Variants in SNX24 observed in about 807,000 individuals in gnomAD.
SNX24 encodes sorting nexin-24.
Under a neutral mutation model 28.7 loss-of-function variants are expected in SNX24, and 22 were observed. The ratio of observed to expected loss-of-function variants is 0.77; its 90% CI spans 0.55 to 1.10. The LOEUF (loss-of-function observed/expected upper bound fraction) is 1.10, where lower values mean the gene tolerates loss of function less well. SNX24 is among the 50% of genes least tolerant of loss of function. The pLI, the probability that SNX24 is intolerant of heterozygous loss-of-function variation, is 0.00. For missense variants in SNX24, 221 were observed against 201.1 expected (o/e 1.10, Z -0.60); for synonymous variants, 69 against 71.5 (o/e 0.96, Z 0.18).
chr5:122,936,713 T>G (rs1170472769), intron 1 of SNX24, 21 bp from the exon 2 acceptor site: 2 of 1,374,190 alleles, frequency 1.5e-6, no homozygotes, highest in Non-Finnish European at 1.0e-6. Flanking sequence ...ATATAATTAA[T>G]CTTTTAAATT....
At chr5:122,864,804 G>T (rs892972679) in intron 1 of SNX24, among the ~76,000 whole-genome samples, 3 of 152,248 alleles carry the variant, frequency 2.0e-5, no homozygotes, top group African/African-American at 7.2e-5. Flanking sequence ...CCAGCTGCAT[G>T]ACTCCTAAAC....
downstream of SNX24, among the ~76,000 whole-genome samples, chr5:123,010,073 A>C (rs1485010737): frequency 6.6e-6 from 1 of 152,222 alleles, no homozygotes; most frequent in African/African-American, 2.4e-5. Flanking sequence ...CTGGGCCTGC[A>C]TCACAATTGC....
chr5:122,896,670 A>G (rs934024264), intron 1 of SNX24, among the ~76,000 whole-genome samples: 2 of 152,164 alleles, frequency 1.3e-5, no homozygotes, highest in Admixed American at 6.5e-5. Flanking sequence ...CAACAATACC[A>G]TATGTACTGT....
rs79140927 is a variant in SNX24 at position 122,940,453 on chromosome 5, C to T, written c.144+3636C>T. On this transcript the variant is annotated intron_variant, in intron 2 of 6. Transcript: ENST00000261369. ...ATTCTCTTACTCAAATACACTGAAA[C>T]GGGTCTCTGTTGTCCACCACATCAT... Among the ~76,000 whole-genome samples, 515 of 152,246 alleles carry T rather than the reference C, an allele frequency of 3.4e-3. 20 individuals are homozygous for T. In the East Asian group the frequency reaches 0.084, roughly 25 times the overall value.
chr5:123,025,936 C>T (rs1222255255), intron 5 of SNX24: 6 of 1,608,428 alleles, frequency 3.7e-6, no homozygotes, highest in South Asian at 3.4e-5. Context: ...TTGAAGTTCT[C>T]ATCTGGAAAT....
intron 3 of SNX24, among the ~76,000 whole-genome samples, chr5:122,987,155 A>C (rs1446531994): frequency 1.3e-5 from 2 of 152,034 alleles, no homozygotes; most frequent in Admixed American, 6.6e-5. Context: ...ATCAGCTGGG[A>C]GAGAGGGTGG....
chr5:122,932,894 T>C (rs577310484), intron 1 of SNX24, among the ~76,000 whole-genome samples: 145 of 148,328 alleles, frequency 9.8e-4, no homozygotes, highest in African/African-American at 3.4e-3. Context: ...ATTCTCATTT[T>C]ATGCACCAGA....
chr5:122,860,552 A>AGGTGCATACCACATTTCT (rs1755412297), intron 1 of SNX24, among the ~76,000 whole-genome samples: 1 of 152,190 alleles, frequency 6.6e-6, no homozygotes, highest in Non-Finnish European at 1.5e-5. Context: ...TAACAGTGAG[A>AGGTGCATACCACATTTCT]GGTGCATACC....
chr5:122,974,444 GAAGGTGTATTGCTGGCC>G (rs1561680844), intron 3 of SNX24, among the ~76,000 whole-genome samples: 1 of 152,248 alleles, frequency 6.6e-6, no homozygotes, highest in Non-Finnish European at 1.5e-5. Context: ...GTAGGACAGT[GAAGGTGTATTGCTGGCC>G]TTGCCAGCTG....
At chr5:122,951,266 C>CAAAAAAAAA (rs1445925286) in intron 3 of SNX24, among the ~76,000 whole-genome samples, 1 of 48,006 alleles carries the variant, frequency 2.1e-5, no homozygotes, top group African/African-American at 1.0e-4. Context: ...GACTCTGTCT[C>CAAAAAAAAA]AAAAAAAAAA....
chr5:122,978,715 AAC>A lies in SNX24; in HGVS notation c.250-21193_250-21192del, dbSNP rs1402483199. On this transcript the variant is annotated intron_variant, in intron 3 of 6. Coordinates refer to ENST00000261369, the MANE Select transcript of SNX24 (RefSeq NM_014035.4). Reference sequence around the variant, plus strand: ...GGCAGCTTGTGGTATGACTGAAAGAAACACAGTGCACAAGAAATTCCCACAGC... The same window carrying A: ...GGCAGCTTGTGGTATGACTGAAAGAAACAGTGCACAAGAAATTCCCACAGC... Among the ~76,000 whole-genome samples, 8 of 152,290 alleles carry A rather than the reference AAC, an allele frequency of 5.3e-5. No homozygotes were observed. The East Asian group carries it at 1.5e-3, about 29-fold the overall frequency.
At chr5:122,910,531 A>G (rs932730951) in intron 1 of SNX24, among the ~76,000 whole-genome samples, 1 of 151,400 alleles carries the variant, frequency 6.6e-6, no homozygotes, top group African/African-American at 2.4e-5. Flanking sequence ...GGTTAGTTAC[A>G]TATGTATACA....
intron 2 of SNX24, among the ~76,000 whole-genome samples, chr5:122,937,625 G>T (rs1759234565): frequency 6.6e-6 from 1 of 152,194 alleles, no homozygotes; most frequent in Non-Finnish European, 1.5e-5. Flanking sequence ...ATTAGTGAGA[G>T]ATTAGTGAGA....
Position 123,009,035 on chromosome 5 carries a change from G to C in SNX24, c.*1286G>C, listed in dbSNP as rs762395599. 23 of 985,316 alleles carry C rather than the reference G, an allele frequency of 2.3e-5. No individual in the cohort carries two copies. The highest frequency in any genetic ancestry group is 2.8e-5 in the Non-Finnish European group (23 of 829,566). 61.0% of individuals were successfully genotyped at this position (985,316 alleles called of 1,614,324 possible). ...ATCTAAATATTCAGGTTTTAAGCCT[G>C]CTGCAAACTTTTAAAATATTATGAT... On this transcript the variant is annotated 3_prime_UTR_variant, in exon 7 of 7. Coordinates refer to ENST00000261369, the MANE Select transcript of SNX24 (RefSeq NM_014035.4).
intron 1 of SNX24, among the ~76,000 whole-genome samples, chr5:122,924,016 A>G (rs1243799041): frequency 2.0e-5 from 3 of 152,244 alleles, no homozygotes; most frequent in East Asian, 1.9e-4. Context: ...TGTTGAAGAA[A>G]TGATGGCTAT....
chr5:123,006,252 C>G (rs1013031099), intron 6 of SNX24, among the ~76,000 whole-genome samples: 2 of 152,176 alleles, frequency 1.3e-5, no homozygotes, highest in Non-Finnish European at 2.9e-5. Context: ...AGTTGATGAT[C>G]TTCTATTTTA....
At chr5:122,849,455 G>A (rs531506824) in intron 1 of SNX24, among the ~76,000 whole-genome samples, 104 of 152,266 alleles carry the variant, frequency 6.8e-4, no homozygotes, top group African/African-American at 2.5e-3. Context: ...GCCTGGCAGG[G>A]TGGCTGTGCT....
At chr5:122,991,123 C>T (rs1426804939) in intron 3 of SNX24, among the ~76,000 whole-genome samples, 2 of 152,138 alleles carry the variant, frequency 1.3e-5, no homozygotes, top group Non-Finnish European at 2.9e-5. Flanking sequence ...TCTCAAGCTC[C>T]TGACCTCAAG....
At chr5:122,907,691 G>T (rs1339176400) in intron 1 of SNX24, among the ~76,000 whole-genome samples, 2 of 152,046 alleles carry the variant, frequency 1.3e-5, no homozygotes, top group Non-Finnish European at 2.9e-5. Context: ...TATGCAGAGG[G>T]GCTTGATCTG....
Sources: allele counts gnomAD v4.1 joint callset (sites outside exome capture counted in the v4.1 genomes callset), GRCh38; gene constraint gnomAD v4.1.1; transcripts MANE v1.5; gene names NCBI Gene and HGNC (gene_info 2026-07-23, HGNC 2026-07-21).